Variants in GLCCI1 observed in about 807,000 individuals in gnomAD.
GLCCI1 encodes glucocorticoid induced 1.
A neutral mutation model predicts 52.2 loss-of-function variants in GLCCI1; 24 were observed. The observed-to-expected ratio is 0.46, with a 90% CI of 0.33 to 0.65. The LOEUF (loss-of-function observed/expected upper bound fraction) is 0.65. GLCCI1 is among the 30% of genes least tolerant of loss of function. The pLI, the probability that GLCCI1 is intolerant of heterozygous loss-of-function variation, is 0.02. For missense variants in GLCCI1, 704 were observed against 701.5 expected (o/e 1.00, Z -0.04); for synonymous variants, 310 against 276.5 (o/e 1.12, Z -1.20).
chr7:8,071,016 G>T lies in GLCCI1; in HGVS notation c.1062G>T (p.Gln354His), dbSNP rs145013590. The T allele has an allele frequency of 3.7e-6, 6 of 1,613,978 alleles. No homozygotes were observed. Among genetic ancestry groups the T allele is most frequent in the Non-Finnish European group, 5.1e-6 (6 of 1,180,004 alleles). The change falls in exon 6 of 8, where the codon CAG becomes CAT. Residue 354 changes from glutamine (Q) to histidine (H), a missense_variant. This residue lies in a region of GLCCI1 where 547 missense variants were observed against 524.8 expected (regional missense o/e 1.04). Coordinates refer to ENST00000223145, the MANE Select transcript of GLCCI1 (RefSeq NM_138426.4). ...RSIDTQTPSVQERSSSCSSHS... is the reference protein window; with the variant it reads ...RSIDTQTPSVHERSSSCSSHS... ...TTGACACTCAGACTCCTTCTGTCCA[G>T]GAGCGCAGCAGTAGCTGCAGCAGTC...
intron 6 of GLCCI1, among the ~76,000 whole-genome samples, chr7:8,074,962 G>C (rs1215059902): frequency 6.6e-6 from 1 of 152,124 alleles, no homozygotes; most frequent in Non-Finnish European, 1.5e-5. Flanking sequence ...AGGGGAGAGG[G>C]ATAGCTGCAG....
chr7:8,032,232 C>T (rs1405447070), intron 3 of GLCCI1, among the ~76,000 whole-genome samples: 4 of 151,944 alleles, frequency 2.6e-5, no homozygotes, highest in South Asian at 4.1e-4. Flanking sequence ...AATGAAAACT[C>T]AACTTAGAAT....
intron 3 of GLCCI1, among the ~76,000 whole-genome samples, chr7:8,023,585 A>ATTATTTTTTTTTTTTT (rs1268659559): frequency 2.5e-5 from 1 of 39,816 alleles, no homozygotes; most frequent in Non-Finnish European, 5.1e-5. Context: ...AATCTCTGTT[A>ATTATTTTTTTTTTTTT]TTCTTTTTTT....
chr7:8,078,909 T>C (rs915272717), intron 6 of GLCCI1, among the ~76,000 whole-genome samples: 1 of 152,212 alleles, frequency 6.6e-6, no homozygotes, highest in Admixed American at 6.5e-5. Flanking sequence ...GGTTTCTGCC[T>C]AAAGACATTA....
rs528042199 is a variant in GLCCI1 at position 7,969,360 on chromosome 7, GCCTCCTCCT to G, written c.22_30del (p.Ser11_Ser13del). 4 of 1,465,604 alleles carry G rather than the reference GCCTCCTCCT, an allele frequency of 2.7e-6. No homozygotes were observed. The highest frequency in any genetic ancestry group is 3.6e-6 in the Non-Finnish European group (4 of 1,102,578). The allele number at this position is 1,465,604 out of a possible 1,614,324, so 90.8% of individuals were successfully genotyped here. A position where few individuals can be genotyped will look rare whatever the true frequency, so the allele number is the denominator to read the frequency against. On this transcript the variant is annotated inframe_deletion, in exon 1 of 8. Transcript: ENST00000223145. The surrounding 1 kb of genome is among the most constrained non-coding windows in gnomAD (Gnocchi z 4.9). The stretch of plus-strand genomic sequence containing the variant: ...GGCCCGCAGAGCCACCATGTCCACT[GCCTCCTCCT>G]CCTCCTCCTCCAGTTCCTCTCAGAC...
chr7:7,989,447 T>C (rs1184530944), intron 1 of GLCCI1, among the ~76,000 whole-genome samples: 1 of 152,096 alleles, frequency 6.6e-6, no homozygotes, highest in African/African-American at 2.4e-5. Context: ...ATGAGGAAAA[T>C]AGAATGACAA....
chr7:8,087,436 A>G lies in GLCCI1; in HGVS notation c.*898A>G, dbSNP rs1554264167. Reference sequence around the variant, plus strand: ...AAGTGTTCAGTACTGGACTGTACATAAACATTCCACATTGTGTGTGATGAA... The same window carrying G: ...AAGTGTTCAGTACTGGACTGTACATGAACATTCCACATTGTGTGTGATGAA... On this transcript the variant is annotated 3_prime_UTR_variant, in exon 8 of 8. Coordinates refer to ENST00000223145, the MANE Select transcript of GLCCI1 (RefSeq NM_138426.4). The G allele has an allele frequency of 6.6e-6, 1 of 152,670 alleles. No homozygotes were observed. Among genetic ancestry groups the G allele is most frequent in the Non-Finnish European group, 1.5e-5 (1 of 68,040 alleles). 9.5% of individuals were successfully genotyped at this position (152,670 alleles called of 1,614,324 possible). A position where few individuals can be genotyped will look rare whatever the true frequency, so the allele number is the denominator to read the frequency against.
intron 1 of GLCCI1, among the ~76,000 whole-genome samples, chr7:7,978,426 T>G (rs991220437): frequency 6.6e-6 from 1 of 152,174 alleles, no homozygotes; most frequent in Non-Finnish European, 1.5e-5. Flanking sequence ...CTTAAAAAAA[T>G]TATTTATATG....
chr7:7,975,629 C>A (rs189894275), intron 1 of GLCCI1, among the ~76,000 whole-genome samples: 3 of 152,212 alleles, frequency 2.0e-5, no homozygotes, highest in African/African-American at 7.2e-5. Context: ...GGCACTATTA[C>A]GCTGTGCTGG....
At chr7:7,992,337 G>C (rs750886309) in intron 1 of GLCCI1, among the ~76,000 whole-genome samples, 4 of 151,874 alleles carry the variant, frequency 2.6e-5, no homozygotes, top group Admixed American at 1.3e-4. Flanking sequence ...TCCTTCAAAG[G>C]TGCTGGCTCA....
chr7:8,006,039 C>G (rs1016179699), intron 2 of GLCCI1, among the ~76,000 whole-genome samples: 1 of 152,144 alleles, frequency 6.6e-6, no homozygotes, highest in Admixed American at 6.5e-5. Context: ...CAAAGGTGAC[C>G]CACCTGTCTT....
chr7:7,982,895 T>C (rs1780650267), intron 1 of GLCCI1, among the ~76,000 whole-genome samples: 1 of 152,158 alleles, frequency 6.6e-6, no homozygotes, highest in Non-Finnish European at 1.5e-5. Flanking sequence ...CTAGGAGTTA[T>C]AGTGCTTGAT....
chr7:8,001,973 C>G (rs988152942), intron 1 of GLCCI1, among the ~76,000 whole-genome samples: 1 of 152,076 alleles, frequency 6.6e-6, no homozygotes, highest in Admixed American at 6.5e-5. Context: ...AGAGGGATAG[C>G]ATTAGGAGAA....
At chr7:8,065,898 G>T (rs1482897212) in intron 5 of GLCCI1, among the ~76,000 whole-genome samples, 1 of 152,166 alleles carries the variant, frequency 6.6e-6, no homozygotes. Context: ...TTAGTATCAG[G>T]ATGATGTTAT....
chr7:8,016,437 C>G (rs2127946768), intron 2 of GLCCI1, among the ~76,000 whole-genome samples: 1 of 152,160 alleles, frequency 6.6e-6, no homozygotes, highest in East Asian at 1.9e-4. Flanking sequence ...CCACTGCACT[C>G]CAGCCTGGAC....
intron 3 of GLCCI1, among the ~76,000 whole-genome samples, chr7:8,041,603 T>C (rs1782000284): frequency 6.6e-6 from 1 of 152,160 alleles, no homozygotes; most frequent in African/African-American, 2.4e-5. Context: ...TTGCTTTTTT[T>C]CTTTTTTTCG....
chr7:8,057,271 A>G (rs1262457760), intron 4 of GLCCI1, among the ~76,000 whole-genome samples: 2 of 152,146 alleles, frequency 1.3e-5, no homozygotes, highest in African/African-American at 2.4e-5. Context: ...GGCGTTATTC[A>G]TAATACTAAA....
rs1780292392 is a variant in GLCCI1 at position 7,969,519 on chromosome 7, G to A, written c.169G>A (p.Ala57Thr). The A allele has an allele frequency of 1.2e-5, 12 of 996,124 alleles. No homozygotes were observed. The highest frequency in any genetic ancestry group is 3.5e-5 in the African/African-American group (2 of 56,886). The allele number at this position is 996,124 out of a possible 1,614,324, so 61.7% of individuals were successfully genotyped here. Residue 57 changes from alanine to threonine, a missense_variant, in exon 1 of 8, where the codon GCC becomes ACC. Ala to Thr is a moderately conservative substitution (Grantham distance 58). Transcript: ENST00000223145. The surrounding 1 kb of genome is among the most constrained non-coding windows in gnomAD (Gnocchi z 4.9). Reference sequence around the variant, plus strand: ...CGTGGGCTGCGCCCCGGCTGCGGGAGCCGGCCGGCTGCTGCAGCCCATCCG... The same window carrying A: ...CGTGGGCTGCGCCCCGGCTGCGGGAACCGGCCGGCTGCTGCAGCCCATCCG... ...GGVGCAPAAG[A>T]GRLLQPIRAT...
intron 1 of GLCCI1, among the ~76,000 whole-genome samples, chr7:7,976,479 CAAAAAA>C (rs35255634): frequency 1.6e-4 from 4 of 24,696 alleles, no homozygotes; most frequent in South Asian, 1.5e-3. Flanking sequence ...AACTCCATCT[CAAAAAA>C]AAAAAAAAAA....
Sources: allele counts gnomAD v4.1 joint callset (sites outside exome capture counted in the v4.1 genomes callset), GRCh38; gene constraint gnomAD v4.1.1; regional missense constraint gnomAD v4.1.1; non-coding constraint Gnocchi (gnomAD v3.1); transcripts MANE v1.5; gene names NCBI Gene and HGNC (gene_info 2026-07-23, HGNC 2026-07-21).